Variants in MIA2 observed in about 807,000 individuals in gnomAD.
MIA2 encodes the protein MIA SH3 domain ER export factor 2.
MIA2 carries 127 observed loss-of-function variants against 167.8 expected under a neutral mutation model. That is an observed-to-expected ratio of 0.76 (90% CI 0.66 to 0.88). MIA2 has a LOEUF of 0.88. Among genes scored for constraint, MIA2 ranks in the 40% least tolerant of loss-of-function variants. The pLI is 0.00. For missense variants in MIA2, 1,690 were observed against 1,624.7 expected (o/e 1.04, Z -0.69); for synonymous variants, 552 against 541.9 (o/e 1.02, Z -0.26).
At chr14:39,315,291 G>A (rs144427480) in intron 20 of MIA2, 1,584 of 157,334 alleles carry the variant, frequency 0.01, 33 homozygotes, top group African/African-American at 0.039. Flanking sequence ...GTGACAGAGT[G>A]AGACTCCGTC....
intron 13 of MIA2, among the ~76,000 whole-genome samples, chr14:39,296,798 T>C (rs1003896479): frequency 1.3e-5 from 2 of 151,566 alleles, no homozygotes; most frequent in African/African-American, 4.8e-5. Flanking sequence ...GTTTTTGAGA[T>C]GGAGTCTTGC....
At chr14:39,339,627 TAATGA>T (rs954947012) in intron 25 of MIA2, among the ~76,000 whole-genome samples, 20 of 152,162 alleles carry the variant, frequency 1.3e-4, no homozygotes, top group Non-Finnish European at 7.3e-5. Context: ...TGAGTTAATA[TAATGA>T]AATGAATGTA....
chr14:39,351,644 T>G (rs2074386215), downstream of MIA2, among the ~76,000 whole-genome samples: 2 of 151,798 alleles, frequency 1.3e-5, no homozygotes, highest in Non-Finnish European at 2.9e-5. Context: ...TCAAGGGAGC[T>G]TGTTCACCCC....
chr14:39,385,573 G>C (rs1168103362), intron 23 of MIA2: 2 of 815,038 alleles, frequency 2.5e-6, no homozygotes, highest in African/African-American at 3.3e-5. Context: ...TCTCAAGGCG[G>C]GTAAGGATGA....
chr14:39,353,808 T>C (rs112993315), downstream of MIA2, among the ~76,000 whole-genome samples: 2,842 of 152,280 alleles, frequency 0.019, 97 homozygotes, highest in African/African-American at 0.065. Context: ...AGTGAGAATA[T>C]GCGGTGTTTG....
chr14:39,294,548 A>G (rs545479844), intron 12 of MIA2, among the ~76,000 whole-genome samples: 80 of 151,846 alleles, frequency 5.3e-4, no homozygotes, highest in Admixed American at 9.2e-4. Flanking sequence ...TCATCTTTTC[A>G]GTGGACAAGT....
exon 24 of MIA2, chr14:39,387,087 T>A (rs561516419): frequency 3.3e-4 from 201 of 612,230 alleles, no homozygotes; most frequent in Non-Finnish European, 5.1e-4. Flanking sequence ...GGCCTAACTG[T>A]CTCGGAGGCT....
intron 9 of MIA2, among the ~76,000 whole-genome samples, chr14:39,286,875 G>A (rs1156874514): frequency 7.0e-6 from 1 of 142,264 alleles, no homozygotes; most frequent in African/African-American, 2.5e-5. Context: ...CTGTGTGTGT[G>A]TGTGTGTGTG....
intron 9 of MIA2, among the ~76,000 whole-genome samples, chr14:39,283,998 A>G (rs1282940659): frequency 6.6e-6 from 1 of 152,084 alleles, no homozygotes; most frequent in African/African-American, 2.4e-5. Flanking sequence ...TTGCAGCTTC[A>G]CCTCAAAGGA....
At chr14:39,304,787 G>A (rs574116138) in intron 17 of MIA2, among the ~76,000 whole-genome samples, 6 of 152,124 alleles carry the variant, frequency 3.9e-5, no homozygotes, top group South Asian at 2.1e-4. Flanking sequence ...ATGTACATAC[G>A]TAGTATATTA....
At chr14:39,234,689 G>C (rs972412648) in intron 1 of MIA2, among the ~76,000 whole-genome samples, 1 of 152,008 alleles carries the variant, frequency 6.6e-6, no homozygotes, top group African/African-American at 2.4e-5. Context: ...TTCCTAAAAA[G>C]TGTTTTTATT....
In MIA2 at chr14:39,286,696, C is replaced by CTTTTTTTTTTTTT. The variant is rs35159773; in HGVS notation, c.2131-4320_2131-4308dup. Among the ~76,000 whole-genome samples, 2 of 142,690 alleles carry CTTTTTTTTTTTTT rather than the reference C, an allele frequency of 1.4e-5. 1 individual carries two copies. The allele number at this position is 142,690 out of a possible 152,430, so 93.6% of individuals were successfully genotyped here. ...TTATCCTTCTCTTCCTTCCTTCTTA[C>CTTTTTTTTTTTTT]TTTTTTTTTTTTTTTGAGACAGGCT... is the stretch of plus-strand genomic sequence containing the variant. On this transcript the variant is annotated intron_variant, in intron 9 of 28. Coordinates refer to ENST00000640607, the MANE Select transcript of MIA2 (RefSeq NM_001329214.4).
At chr14:39,268,525 C>G (rs1481463545) in intron 6 of MIA2, among the ~76,000 whole-genome samples, 2 of 151,812 alleles carry the variant, frequency 1.3e-5, no homozygotes, top group East Asian at 3.9e-4. Flanking sequence ...GTGCAGGGAA[C>G]TAGGAGCTGT....
intron 6 of MIA2, among the ~76,000 whole-genome samples, chr14:39,267,730 C>T (rs1307157273): frequency 6.6e-6 from 1 of 152,202 alleles, no homozygotes; most frequent in Non-Finnish European, 1.5e-5. Flanking sequence ...GGAGGAGGAC[C>T]TGGGGCTCTG....
intron 13 of MIA2, among the ~76,000 whole-genome samples, chr14:39,298,589 G>T (rs762016865): frequency 4.6e-5 from 5 of 108,196 alleles, no homozygotes; most frequent in African/African-American, 1.4e-4. Context: ...ACCTGGGTGC[G>T]CAGGCGGGCT....
At chr14:39,250,559 G>T (rs945808938) in intron 4 of MIA2, among the ~76,000 whole-genome samples, 4 of 151,930 alleles carry the variant, frequency 2.6e-5, no homozygotes, top group African/African-American at 9.7e-5. Flanking sequence ...AGCTGGGCAT[G>T]GTGGTGTGCC....
chr14:39,360,541 T>C (rs990305433), intron 23 of MIA2, among the ~76,000 whole-genome samples: 2 of 152,190 alleles, frequency 1.3e-5, no homozygotes, highest in East Asian at 1.9e-4. Flanking sequence ...TTGTGTATTC[T>C]TTATATTAGT....
At chr14:39,264,682 A>T (rs1436769678) in intron 6 of MIA2, among the ~76,000 whole-genome samples, 1 of 152,244 alleles carries the variant, frequency 6.6e-6, no homozygotes, top group African/African-American at 2.4e-5. Context: ...TAGTACAGAG[A>T]TTAAAGATGT....
rs147309266 is a variant in MIA2, at chr14:39,326,941, G to T, written c.3574G>T (p.Asp1192Tyr). ...RGESSCDRLT[D>Y]PHRAPSDTGS... ...AGAATCAAGCTGTGATAGGTTAACC[G>T]ATCCTCATAGGGCTCCCTCTGACAC... Residue 1192 changes from aspartate (D) to tyrosine (Y), a missense_variant, in exon 25 of 29, where the codon GAT becomes TAT. Coordinates refer to ENST00000640607, the MANE Select transcript of MIA2 (RefSeq NM_001329214.4). The T allele has an allele frequency of 8.1e-6, 13 of 1,596,342 alleles. No homozygotes were observed. The highest frequency in any genetic ancestry group is 2.3e-5 in the South Asian group (2 of 88,240).
Sources: gnomAD v4.1 joint callset for allele counts (sites outside exome capture counted in the v4.1 genomes callset) on GRCh38, gnomAD v4.1.1 for gene constraint, MANE v1.5 for transcripts, NCBI Gene and HGNC (gene_info 2026-07-23, HGNC 2026-07-21) for gene names.